Variants in VEGFA observed in about 807,000 individuals in gnomAD.
VEGFA encodes the protein vascular endothelial growth factor A, also known as vascular endothelial growth factor A, long form.
Under a neutral mutation model 49.7 loss-of-function variants are expected in VEGFA, and 20 were observed. The ratio of observed to expected loss-of-function variants is 0.40; its 90% CI spans 0.28 to 0.58. The LOEUF (loss-of-function observed/expected upper bound fraction) is 0.58. Among genes scored for constraint, VEGFA ranks in the 20% least tolerant of loss-of-function variants. The pLI is 0.40. For missense variants in VEGFA, 505 were observed against 553.5 expected, an observed-to-expected ratio of 0.91 and a Z score of 0.88; for synonymous variants, 219 against 223.4, an observed-to-expected ratio of 0.98 and a Z score of 0.18.
At position 43,777,205 on chromosome 6, in the gene VEGFA, G is replaced by A; in HGVS notation, c.659-264G>A. ...TCAGTTCAGCTGTCACAGTGAGGTG[G>A]CGGGATCAGATGTGGCAGGCCATGT... On this transcript the variant is annotated intron_variant, in intron 2 of 7. Coordinates refer to ENST00000672860, the MANE Select transcript of VEGFA (RefSeq NM_003376.6). The surrounding 1 kb of genome is among the most constrained non-coding windows in gnomAD (Gnocchi z 4.3). The A allele has an allele frequency of 3.7e-6, 2 of 541,448 alleles. No individual in the cohort carries two copies. Among genetic ancestry groups the A allele is most frequent in the East Asian group, 6.9e-5 (2 of 29,036 alleles). 33.5% of individuals were successfully genotyped at this position (541,448 alleles called of 1,614,324 possible). A position where few individuals can be genotyped will look rare whatever the true frequency, so the allele number is the denominator to read the frequency against.
At chr6:43,779,398 C>T (rs774173231) in intron 5 of VEGFA, 45 of 331,430 alleles carry the variant, frequency 1.4e-4, no homozygotes, top group Admixed American at 1.2e-3. Flanking sequence ...AGGCGGCAGG[C>T]GGCAGACACA....
intron 6 of VEGFA, chr6:43,781,028 G>A (rs544761553): frequency 5.4e-5 from 60 of 1,113,562 alleles, no homozygotes; most frequent in East Asian, 4.1e-4. Flanking sequence ...TGGGGGTGCC[G>A]ACTTGGCCTG....
At chr6:43,779,994 C>T in intron 5 of VEGFA, 1 of 264,822 alleles carries the variant, frequency 3.8e-6, no homozygotes, top group East Asian at 9.0e-5. Context: ...CAGGCTTTGA[C>T]AGGCTGGGGA....
intron 7 of VEGFA, 53 bp downstream of exon 7, chr6:43,782,140 G>C: frequency 1.3e-6 from 2 of 1,552,958 alleles, no homozygotes; most frequent in South Asian, 2.2e-5. Context: ...CAGAGATGGG[G>C]AGAGAGAGAG....
At position 43,785,510 on chromosome 6, in the gene VEGFA, CATT is replaced by C. The variant is rs780389723; in HGVS notation, c.*949_*951del. On this transcript the variant is annotated 3_prime_UTR_variant, in exon 8 of 8. Transcript: ENST00000672860. ...GATGTCCCGGCGAAGAGAAGAGACA[CATT>C]GTTGGAAGAAGCAGCCCATGACAGC... 2.8e-5 allele frequency: 6 copies of C among 217,746 alleles called. No homozygotes were observed. The highest frequency in any genetic ancestry group is 2.3e-4 in the Admixed American group (4 of 17,244). The allele number at this position is 217,746 out of a possible 1,614,324, so 13.5% of individuals were successfully genotyped here.
chr6:43,781,644 T>C, intron 6 of VEGFA: 2 of 384,806 alleles, frequency 5.2e-6, no homozygotes, highest in Non-Finnish European at 1.0e-5. Flanking sequence ...GCAACAGCAG[T>C]TGGGTCCCTG....
At chr6:43,771,915 G>T (rs1184373982) in intron 1 of VEGFA, 4 of 644,052 alleles carry the variant, frequency 6.2e-6, no homozygotes, top group Non-Finnish European at 7.7e-6. Context: ...GCCCGTCCCC[G>T]CTCGCGTCCC....
chr6:43,772,439 T>G (rs1763935542), intron 1 of VEGFA, among the ~76,000 whole-genome samples: 2 of 152,198 alleles, frequency 1.3e-5, no homozygotes, highest in African/African-American at 4.8e-5. Context: ...CCGAGTGAGC[T>G]GTGCTTTAGC....
chr6:43,771,455 C>T, intron 1 of VEGFA, 143 bp downstream of exon 1: 1 of 868,232 alleles, frequency 1.2e-6, no homozygotes, highest in Non-Finnish European at 1.6e-6. Flanking sequence ...CCTCTGTCGT[C>T]TTAGGTGCAG....
chr6:43,770,960 C>T lies in VEGFA; in HGVS notation c.254C>T (p.Ser85Leu). The T allele has an allele frequency of 6.5e-7, 1 of 1,544,168 alleles. No individual in the cohort carries two copies. The highest frequency in any genetic ancestry group is 8.7e-7 in the Non-Finnish European group (1 of 1,145,272). ...AGCGGAGCCGCGAGAAGTGCTAGCT[C>T]GGGCCGGGAGGAGCCGCAGCCGGAG... is the stretch of plus-strand genomic sequence containing the variant. Residue 85 changes from serine to leucine, a missense_variant, in exon 1 of 8, where the codon TCG becomes TTG. Physicochemically the swap from Ser to Leu is moderately radical, Grantham distance 145. Transcript: ENST00000672860.
rs941321539 is a variant in VEGFA, at chr6:43,774,132, C to T, written c.607-209C>T. The T allele has an allele frequency of 9.7e-6, 6 of 619,212 alleles. No homozygotes were observed. The African/African-American group carries it at 1.1e-4, about 11-fold the overall frequency. 38.4% of individuals were successfully genotyped at this position (619,212 alleles called of 1,614,324 possible). On this transcript the variant is annotated intron_variant, in intron 1 of 7. Transcript: ENST00000672860. ...CAACATCTGGTTAGTCTTTAACTTCCTCGGGTTCATAACCATAGCAGTCCA... is the reference window on the plus strand; with the variant it reads ...CAACATCTGGTTAGTCTTTAACTTCTTCGGGTTCATAACCATAGCAGTCCA...
At chr6:43,779,885 CA>C (rs1358287294) in intron 5 of VEGFA, 2 of 341,810 alleles carry the variant, frequency 5.9e-6, no homozygotes, top group African/African-American at 2.1e-5. Flanking sequence ...GGACAGGCTA[CA>C]GCCTGCCCCC....
intron 3 of VEGFA, 93 bp from the exon 4 acceptor site, chr6:43,778,367 C>G: frequency 9.1e-7 from 1 of 1,100,022 alleles, no homozygotes. Context: ...TGCAGAACCC[C>G]TGGGTGCTGA....
At chr6:43,779,864 T>G in intron 5 of VEGFA, 1 of 378,604 alleles carries the variant, frequency 2.6e-6, no homozygotes, top group South Asian at 1.9e-5. Context: ...GAGCTCTGGT[T>G]CTCTTGAAGG....
rs1763438921 is a variant in VEGFA, at chr6:43,771,298, C to T, written c.592C>T (p.Leu198Phe). The T allele has an allele frequency of 6.2e-7, 1 of 1,604,596 alleles. No individual in the cohort carries two copies. The highest frequency in any genetic ancestry group is 8.5e-7 in the Non-Finnish European group (1 of 1,176,644). Residue 198 changes from leucine to phenylalanine, a missense_variant, in exon 1 of 8, where the codon CTC (leucine) becomes TTC (phenylalanine). Leu to Phe is a conservative substitution (Grantham distance 22). This residue lies in a region of VEGFA where 340 missense variants were observed against 321.8 expected (regional missense o/e 1.06). Transcript: ENST00000672860. ...TTGGAGCCTTGCCTTGCTGCTCTAC[C>T]TCCACCATGCCAAGGTAAGCGGTCG...
chr6:43,781,793 C>T (rs1421879630), intron 6 of VEGFA, 163 bp from the exon 7 acceptor site: 1 of 909,864 alleles, frequency 1.1e-6, no homozygotes, highest in East Asian at 2.8e-5. Flanking sequence ...CCGCCGCTCT[C>T]TCTGTCTTTT....
intron 5 of VEGFA, chr6:43,780,476 G>C (rs1582516480): frequency 3.8e-6 from 2 of 532,194 alleles, no homozygotes; most frequent in Non-Finnish European, 6.8e-6. Flanking sequence ...CCAAAGCCTT[G>C]TCAGGGGCTG....
intron 6 of VEGFA, 78 bp from the exon 7 acceptor site, chr6:43,781,878 G>T: frequency 6.3e-7 from 1 of 1,583,464 alleles, no homozygotes; most frequent in Non-Finnish European, 8.6e-7. Context: ...ACATGTTAGG[G>T]GGTGTTGCAT....
Position 43,784,805 on chromosome 6 carries a change from C to T in VEGFA, c.*243C>T, listed in dbSNP as rs963141368. 4 of 671,018 alleles carry T rather than the reference C, an allele frequency of 6.0e-6. No individual in the cohort carries two copies. Among genetic ancestry groups the T allele is most frequent in the African/African-American group, 3.6e-5 (2 of 55,256 alleles). The allele number at this position is 671,018 out of a possible 1,614,324, so 41.6% of individuals were successfully genotyped here. On this transcript the variant is annotated 3_prime_UTR_variant, in exon 8 of 8. Coordinates refer to ENST00000672860, the MANE Select transcript of VEGFA (RefSeq NM_003376.6). The stretch of plus-strand genomic sequence containing the variant: ...CCGGGCGGGTGACCCAGCACGGTCC[C>T]TCTTGGAATTGGATTCGCCATTTTA...
Sources: gnomAD v4.1 joint callset for allele counts (sites outside exome capture counted in the v4.1 genomes callset) on GRCh38, gnomAD v4.1.1 for gene constraint, gnomAD v4.1.1 regional missense constraint, Gnocchi (gnomAD v3.1) non-coding constraint, MANE v1.5 for transcripts, NCBI Gene and HGNC (gene_info 2026-07-23, HGNC 2026-07-21) for gene names.